Variants in ZNF48 observed in about 807,000 individuals in gnomAD.
ZNF48 encodes zinc finger protein 48, also known as zinc finger protein 553.
Under a neutral mutation model 40.0 loss-of-function variants are expected in ZNF48, and 20 were observed. The ratio of observed to expected loss-of-function variants is 0.50; its 90% CI spans 0.35 to 0.73. The LOEUF is 0.73. ZNF48 is among the 30% of genes least tolerant of loss of function. The probability of loss-of-function intolerance (pLI) is 0.01; values close to 1 mark genes in which losing one functional copy is unlikely to be tolerated. For synonymous variants in ZNF48, 298 were observed against 329.7 expected, an observed-to-expected ratio of 0.90 and a Z score of 1.04; for missense variants, 726 against 851.9, an observed-to-expected ratio of 0.85 and a Z score of 1.84.
Position 30,399,350 on chromosome 16 carries a change from A to G in ZNF48, c.*243A>G, listed in dbSNP as rs2050029466. The G allele has an allele frequency of 2.2e-6, 1 of 457,210 alleles. No homozygotes were observed. Among genetic ancestry groups the G allele is most frequent in the East Asian group, 3.3e-5 (1 of 29,966 alleles). The allele number at this position is 457,210 out of a possible 1,614,324, so 28.3% of individuals were successfully genotyped here. ...GCTTCTAGAAGACTGCCTAGCACACAGTAGGCATTCAATACTTGTTGAATA... is the reference window on the plus strand; with the variant it reads ...GCTTCTAGAAGACTGCCTAGCACACGGTAGGCATTCAATACTTGTTGAATA... On this transcript the variant is annotated 3_prime_UTR_variant, in exon 3 of 3. Coordinates refer to ENST00000613509, the MANE Select transcript of ZNF48 (RefSeq NM_001214909.2).
In ZNF48 at chr16:30,398,365, C is replaced by G; in HGVS notation, c.1115C>G (p.Ser372Cys). Residue 372 changes from serine to cysteine, a missense_variant, in exon 3 of 3, where the codon TCC (serine) becomes TGC (cysteine). Transcript: ENST00000613509. This position sits in a 1 kb window ranked among gnomAD's most constrained non-coding sequence, Gnocchi z 6.6. Reference protein sequence around the residue: ...PECDRTFSLSSTLLRHRLTHM... With the variant: ...PECDRTFSLSCTLLRHRLTHM... ...TGCGACCGTACCTTCAGCCTCAGCT[C>G]CACCCTTCTTCGCCACCGCCTCACT... 1 of 1,613,396 alleles carries G rather than the reference C, an allele frequency of 6.2e-7. No homozygotes were observed. The highest frequency in any genetic ancestry group is 8.5e-7 in the Non-Finnish European group (1 of 1,179,822).
Position 30,395,922 on chromosome 16 carries a change from G to T in ZNF48, c.79+49G>T. ...CCACGGACAGGTAACGGCCGGTGGG[G>T]ACTGCGATGCTTGGCTGTGGCCGGC... On this transcript the variant is annotated intron_variant, in intron 2 of 2. Transcript: ENST00000613509. This position sits in a 1 kb window ranked among gnomAD's most constrained non-coding sequence, Gnocchi z 5.9. 6.9e-7 allele frequency: 1 copy of T among 1,453,844 alleles called. No individual in the cohort carries two copies. 90.1% of individuals were successfully genotyped at this position (1,453,844 alleles called of 1,614,324 possible).
At chr16:30,379,010 G>T (rs777791430) in intron 1 of ZNF48, 2 of 1,612,228 alleles carry the variant, frequency 1.2e-6, no homozygotes, top group South Asian at 2.2e-5. Context: ...GTCCGCCCCG[G>T]GTCTCACCTG....
chr16:30,382,579 G>T lies in ZNF48; in HGVS notation c.-16+4169G>T. The T allele has an allele frequency of 6.4e-7, 1 of 1,573,740 alleles. No homozygotes were observed. Among genetic ancestry groups the T allele is most frequent in the East Asian group, 2.3e-5 (1 of 43,338 alleles). On this transcript the variant is annotated intron_variant, in intron 1 of 2. Coordinates refer to the ZNF48 transcript ENST00000528032. The surrounding 1 kb of genome is among the most constrained non-coding windows in gnomAD (Gnocchi z 4.8). ...CCGTCTCTCCCCACTTCCTCTGGTG[G>T]GGCAGGAAGCTGAGTGCGGCTAACA...
In ZNF48 at chr16:30,398,629, T is replaced by C. The variant is rs2050016373; in HGVS notation, c.1379T>C (p.Phe460Ser). 1 of 1,613,130 alleles carries C rather than the reference T, an allele frequency of 6.2e-7. No homozygotes were observed. Among genetic ancestry groups the C allele is most frequent in the Admixed American group, 1.7e-5 (1 of 59,986 alleles). The change falls in exon 3 of 3, where the codon TTC becomes TCC. Residue 460 changes from phenylalanine to serine, a missense_variant. Physicochemically the swap from Phe to Ser is radical, Grantham distance 155 (BLOSUM62 -2). Coordinates refer to ENST00000613509, the MANE Select transcript of ZNF48 (RefSeq NM_001214909.2). This position sits in a 1 kb window ranked among gnomAD's most constrained non-coding sequence, Gnocchi z 6.6. ...PHKCPECGKG[F>S]RRSSDLVKHH... ...AAGTGCCCTGAGTGTGGCAAGGGCT[T>C]CCGCCGAAGCTCTGACCTGGTGAAA...
Position 30,395,701 on chromosome 16 carries a change from C to G in ZNF48, c.-15-79C>G. On this transcript the variant is annotated intron_variant, in intron 1 of 2. Transcript: ENST00000613509. This position sits in a 1 kb window ranked among gnomAD's most constrained non-coding sequence, Gnocchi z 5.9. ...CGACGCCGCCCGGTGCCCGCGCTGG[C>G]CGGCAGAGGGCAGCGGCAGGGCGCC... 1 of 1,186,698 alleles carries G rather than the reference C, an allele frequency of 8.4e-7. No homozygotes were observed. The highest frequency in any genetic ancestry group is 1.1e-6 in the Non-Finnish European group (1 of 944,546). The allele number at this position is 1,186,698 out of a possible 1,614,324, so 73.5% of individuals were successfully genotyped here.
rs763625940 is a variant in ZNF48, at chr16:30,381,470, C to T, written c.-16+3060C>T. 1.2e-6 allele frequency: 2 copies of T among 1,613,856 alleles called. No individual in the cohort carries two copies. The highest frequency in any genetic ancestry group is 1.7e-6 in the Non-Finnish European group (2 of 1,179,976). ...CCTCGATGAATTTCACCACCGGAAG[C>T]CAGCTGGGTGTGGGGAGAGGATGTG... On this transcript the variant is annotated intron_variant, in intron 1 of 2. Transcript: ENST00000528032. The surrounding 1 kb of genome is among the most constrained non-coding windows in gnomAD (Gnocchi z 4.3).
At chr16:30,378,637 C>T (rs1228752307) in intron 1 of ZNF48, 2 of 1,610,912 alleles carry the variant, frequency 1.2e-6, no homozygotes, top group South Asian at 1.1e-5. Flanking sequence ...GGATCAGCTT[C>T]TCGGTGTCCG....
chr16:30,381,026 T>C lies in ZNF48; in HGVS notation c.-16+2616T>C. 1 of 941,366 alleles carries C rather than the reference T, an allele frequency of 1.1e-6. No homozygotes were observed. The highest frequency in any genetic ancestry group is 1.4e-5 in the South Asian group (1 of 73,602). 58.3% of individuals were successfully genotyped at this position (941,366 alleles called of 1,614,324 possible). On this transcript the variant is annotated intron_variant, in intron 1 of 2. Transcript: ENST00000528032. The surrounding 1 kb of genome is among the most constrained non-coding windows in gnomAD (Gnocchi z 4.3). ...AAGCTTCTCCTACAATCTAGCCTGA[T>C]GCACCATGCTCCAGAAAGGCCACTT...
chr16:30,380,028 C>T (rs1346335632), intron 1 of ZNF48: 2 of 1,610,264 alleles, frequency 1.2e-6, no homozygotes, highest in Admixed American at 1.7e-5. Flanking sequence ...TCAACTGATC[C>T]CGGATCTCAG....
chr16:30,383,012 T>C (rs2049871288), intron 1 of ZNF48: 2 of 576,334 alleles, frequency 3.5e-6, no homozygotes, highest in South Asian at 1.9e-5. Context: ...CCCTCTACCA[T>C]CTCTACAAAA....
upstream of ZNF48, among the ~76,000 whole-genome samples, chr16:30,391,100 A>G (rs1216591563): frequency 1.3e-5 from 2 of 152,126 alleles, no homozygotes; most frequent in Non-Finnish European, 2.9e-5. Flanking sequence ...CTCACGGCAC[A>G]TTAAAACGGA....
chr16:30,393,369 C>T (rs1021524943), upstream of ZNF48, among the ~76,000 whole-genome samples: 2 of 151,770 alleles, frequency 1.3e-5, no homozygotes, highest in Non-Finnish European at 1.5e-5. Flanking sequence ...AGGCACCACA[C>T]CCGGCCTTTT....
chr16:30,379,538 G>C, intron 1 of ZNF48: 1 of 1,612,136 alleles, frequency 6.2e-7, no homozygotes, highest in Non-Finnish European at 8.5e-7. Context: ...TGCTTTCCTG[G>C]AGGGCAGGGG....
At chr16:30,390,867 GC>G (rs1446852513), upstream of ZNF48, among the ~76,000 whole-genome samples, 1 of 151,526 alleles carries the variant, frequency 6.6e-6, no homozygotes, top group Non-Finnish European at 1.5e-5. Flanking sequence ...CTCGTGATCT[GC>G]CCACCTCAGC....
rs530644709 is a variant in ZNF48 at position 30,382,092 on chromosome 16, C to T, written c.-16+3682C>T. ...CCTCAAGAGGGTGGGGAGGGTCTTA[C>T]CACTGGCCTCTGGCACCTGGCGATC... On this transcript the variant is annotated intron_variant, in intron 1 of 2. Coordinates refer to the ZNF48 transcript ENST00000528032. The surrounding 1 kb of genome is among the most constrained non-coding windows in gnomAD (Gnocchi z 4.8). The T allele has an allele frequency of 2.5e-6, 4 of 1,578,106 alleles. No individual in the cohort carries two copies. The highest frequency in any genetic ancestry group is 4.7e-5 in the East Asian group (2 of 42,662).
chr16:30,382,921 C>A lies in ZNF48; in HGVS notation c.-16+4511C>A. On this transcript the variant is annotated intron_variant, in intron 1 of 2. Transcript: ENST00000528032. The surrounding 1 kb of genome is among the most constrained non-coding windows in gnomAD (Gnocchi z 4.8). Reference sequence around the variant, plus strand: ...GGGCAAGGTGGCTCTCGCCTGTAATCTCAGCACTTTGGGAGGCGGAGGAGG... The same window carrying A: ...GGGCAAGGTGGCTCTCGCCTGTAATATCAGCACTTTGGGAGGCGGAGGAGG... 1.2e-6 allele frequency: 1 copy of A among 807,814 alleles called. No homozygotes were observed. The highest frequency in any genetic ancestry group is 2.0e-6 in the Non-Finnish European group (1 of 488,044). 50.0% of individuals were successfully genotyped at this position (807,814 alleles called of 1,614,324 possible). A position where few individuals can be genotyped will look rare whatever the true frequency, so the allele number is the denominator to read the frequency against.
chr16:30,381,261 G>T lies in ZNF48; in HGVS notation c.-16+2851G>T. Reference sequence around the variant, plus strand: ...GGCCGGAGCCTGCACCCAGGGATTGGTCATTGCCCAGCCTCAGGGGGCAGA... The same window carrying T: ...GGCCGGAGCCTGCACCCAGGGATTGTTCATTGCCCAGCCTCAGGGGGCAGA... On this transcript the variant is annotated intron_variant, in intron 1 of 2. Coordinates refer to the ZNF48 transcript ENST00000528032. This position sits in a 1 kb window ranked among gnomAD's most constrained non-coding sequence, Gnocchi z 4.3. 1 of 1,613,582 alleles carries T rather than the reference G, an allele frequency of 6.2e-7. No individual in the cohort carries two copies. Among genetic ancestry groups the T allele is most frequent in the Non-Finnish European group, 8.5e-7 (1 of 1,179,558 alleles).
In ZNF48 at chr16:30,398,135, T is replaced by C. The variant is rs7200187; in HGVS notation, c.885T>C (p.Arg295=). The C allele has an allele frequency of 7.7e-3, 12,483 of 1,613,714 alleles. 891 individuals carry two copies. In the African/African-American group the frequency reaches 0.15, roughly 19 times the overall value. ...VLSCSLLSHQ[R]SHLGPKPFGC... ...GCTGCAGCCTCCTGAGTCACCAGCG[T>C]AGTCACTTGGGGCCCAAGCCCTTTG... The change falls in exon 3 of 3, where the codon CGT becomes CGC. Residue 295 remains arginine (R), a synonymous_variant. Transcript: ENST00000613509. The surrounding 1 kb of genome is among the most constrained non-coding windows in gnomAD (Gnocchi z 6.6).
Sources: gnomAD v4.1 joint callset for allele counts (sites outside exome capture counted in the v4.1 genomes callset) on GRCh38, gnomAD v4.1.1 for gene constraint, Gnocchi (gnomAD v3.1) non-coding constraint, MANE v1.5 for transcripts, NCBI Gene and HGNC (gene_info 2026-07-23, HGNC 2026-07-21) for gene names.